SLC3A1: variants seen among roughly 807,000 people sequenced by gnomAD.
The protein encoded by SLC3A1 is amino acid transporter heavy chain SLC3A1.
In SLC3A1, 78 loss-of-function variants were observed where a neutral mutation model predicts 60.3. That is an observed-to-expected ratio of 1.29 (90% confidence interval 1.08 to 1.56). The LOEUF (loss-of-function observed/expected upper bound fraction) is 1.56, where lower values mean the gene tolerates loss of function less well. Among genes scored for constraint, SLC3A1 ranks in the 40% most tolerant of loss-of-function variants. The pLI, the probability that SLC3A1 is intolerant of heterozygous loss-of-function variation, is 0.00. For missense variants in SLC3A1, 1,172 were observed against 858.9 expected, an observed-to-expected ratio of 1.36 and a Z score of -4.56; for synonymous variants, 392 against 307.9, an observed-to-expected ratio of 1.27 and a Z score of -2.86.
chr2:44,301,066 G>A lies in SLC3A1; in HGVS notation c.1075G>A (p.Asp359Asn), dbSNP rs767848933. The A allele has an allele frequency of 4.3e-6, 7 of 1,614,064 alleles. No individual in the cohort carries two copies. The highest frequency in any genetic ancestry group is 1.1e-5 in the South Asian group (1 of 91,082). Reference protein sequence around the residue: ...DFTTTQVGMHDIVRSFRQTMD... With the variant: ...DFTTTQVGMHNIVRSFRQTMD... ...CACCACCACGCAGGTGGGAATGCACGACATTGTCCGCAGCTTCCGGCAGAC... is the reference window on the plus strand; with the variant it reads ...CACCACCACGCAGGTGGGAATGCACAACATTGTCCGCAGCTTCCGGCAGAC... The change falls in exon 6 of 10, where the codon GAC becomes AAC. Residue 359 changes from aspartate (D) to asparagine (N), a missense_variant. Asp to Asn is a conservative substitution (Grantham distance 23). Transcript: ENST00000260649.
intron 4 of SLC3A1, among the ~76,000 whole-genome samples, chr2:44,297,452 T>G (rs1478192104): frequency 6.6e-6 from 1 of 152,140 alleles, no homozygotes; most frequent in Non-Finnish European, 1.5e-5. Context: ...TCCCACCAGG[T>G]CATCTAGGTC....
chr2:44,282,157 C>A (rs1033191224), intron 3 of SLC3A1, among the ~76,000 whole-genome samples: 31 of 152,154 alleles, frequency 2.0e-4, no homozygotes, highest in African/African-American at 6.5e-4. Flanking sequence ...CAGGTGTAAG[C>A]CACCGCTCCT....
intron 7 of SLC3A1, among the ~76,000 whole-genome samples, chr2:44,307,738 G>A (rs1193351546): frequency 1.3e-5 from 2 of 152,076 alleles, no homozygotes; most frequent in Non-Finnish European, 2.9e-5. Context: ...GATATATACT[G>A]GATAGGTGAT....
intron 4 of SLC3A1, among the ~76,000 whole-genome samples, chr2:44,297,829 C>T (rs1260671950): frequency 6.6e-6 from 1 of 152,158 alleles, no homozygotes; most frequent in Admixed American, 6.5e-5. Flanking sequence ...AACTCCTGGG[C>T]TCAAGCGATC....
At chr2:44,283,967 G>A (rs529254461) in intron 3 of SLC3A1, among the ~76,000 whole-genome samples, 1 of 151,996 alleles carries the variant, frequency 6.6e-6, no homozygotes, top group Non-Finnish European at 1.5e-5. Flanking sequence ...ACAATCCATG[G>A]TTTACTTATC....
Position 44,304,124 on chromosome 2 carries a change from A to T in SLC3A1, c.1137-19A>T. 1.2e-6 allele frequency: 2 copies of T among 1,608,812 alleles called. No individual in the cohort carries two copies. The highest frequency in any genetic ancestry group is 1.7e-6 in the Non-Finnish European group (2 of 1,175,132). On this transcript the variant is annotated intron_variant, in intron 6 of 9. Coordinates refer to ENST00000260649, the MANE Select transcript of SLC3A1 (RefSeq NM_000341.4). Reference sequence around the variant, plus strand: ...TTCTGACAGGCCCCGATGACACTGAACCTTGTCAACTCTTATAGGTTCATG... The same window carrying T: ...TTCTGACAGGCCCCGATGACACTGATCCTTGTCAACTCTTATAGGTTCATG...
intron 7 of SLC3A1, among the ~76,000 whole-genome samples, chr2:44,311,579 GT>G (rs1672298827): frequency 6.6e-6 from 1 of 152,034 alleles, no homozygotes; most frequent in Admixed American, 6.6e-5. Context: ...AGGGTTTCTT[GT>G]CAGAAGATCT....
At chr2:44,279,788 C>T (rs982905572) in intron 1 of SLC3A1, among the ~76,000 whole-genome samples, 2 of 151,974 alleles carry the variant, frequency 1.3e-5, no homozygotes, top group Non-Finnish European at 2.9e-5. Context: ...GTCTCGAACA[C>T]CTGAGCCCAA....
intron 4 of SLC3A1, among the ~76,000 whole-genome samples, chr2:44,292,880 TTTTTTA>T (rs1210524820): frequency 6.6e-6 from 1 of 152,150 alleles, no homozygotes; most frequent in Non-Finnish European, 1.5e-5. Flanking sequence ...TAGGTATTTA[TTTTTTA>T]TTTTTATTTT....
chr2:44,298,199 TAA>T (rs1320780360), intron 4 of SLC3A1, among the ~76,000 whole-genome samples: 3 of 151,980 alleles, frequency 2.0e-5, no homozygotes, highest in African/African-American at 7.3e-5. Context: ...AAAAAAATGT[TAA>T]GTCAGCCCAC....
chr2:44,313,048 T>C (rs1383344474), intron 8 of SLC3A1, among the ~76,000 whole-genome samples: 1 of 152,174 alleles, frequency 6.6e-6, no homozygotes, highest in African/African-American at 2.4e-5. Flanking sequence ...CCAGGAATAC[T>C]GTGTTGAGAG....
At chr2:44,281,883 T>C (rs1226046976) in intron 3 of SLC3A1, among the ~76,000 whole-genome samples, 1 of 152,170 alleles carries the variant, frequency 6.6e-6, no homozygotes, top group Non-Finnish European at 1.5e-5. Flanking sequence ...CTTTGCATTT[T>C]TTTTTCTTGA....
downstream of SLC3A1, chr2:44,322,036 A>T (rs1673014370): frequency 1.2e-6 from 1 of 847,464 alleles, no homozygotes; most frequent in Admixed American, 3.0e-5. Flanking sequence ...AACCACCATC[A>T]TCAACAAAAA....
At chr2:44,299,030 CCTTT>C (rs1258854961) in intron 4 of SLC3A1, among the ~76,000 whole-genome samples, 115 of 110,392 alleles carry the variant, frequency 1.0e-3, no homozygotes, top group African/African-American at 4.0e-3. Flanking sequence ...AATGTAGATT[CCTTT>C]TTTTTTTTTT....
rs79308999 is a variant in SLC3A1, at chr2:44,307,363, T to C, written c.1332+3025T>C. ...CTCTGATATATATCCAGGAGTGGAA[T>C]TGCTCCACTGGGCATATGGTAAGTC... On this transcript the variant is annotated intron_variant, in intron 7 of 9. Coordinates refer to ENST00000260649, the MANE Select transcript of SLC3A1 (RefSeq NM_000341.4). 3.8e-3 allele frequency among the ~76,000 whole-genome samples: 585 copies of C among 152,314 alleles called. 8 individuals carry two copies. Among genetic ancestry groups the C allele is most frequent in the African/African-American group, 0.013 (547 of 41,578 alleles).
At chr2:44,310,304 A>G (rs1482354257) in intron 7 of SLC3A1, among the ~76,000 whole-genome samples, 1 of 152,178 alleles carries the variant, frequency 6.6e-6, no homozygotes, top group Non-Finnish European at 1.5e-5. Flanking sequence ...ATTTCTTTTC[A>G]TCCTCACCAA....
Position 44,320,298 on chromosome 2 carries a change from T to C in SLC3A1, c.1717T>C (p.Leu573=), listed in dbSNP as rs148703534. The change falls in exon 10 of 10, where the codon TTG becomes CTG. Residue 573 remains leucine (L), a synonymous_variant. Coordinates refer to ENST00000260649, the MANE Select transcript of SLC3A1 (RefSeq NM_000341.4). ...CCTCAACAGGGGCTGGTTTTGCCAT[T>C]TGAGGAATGACAGCCACTATGTTGT... ...LLLNRGWFCH[L]RNDSHYVVYT... is the part of the protein sequence containing the mutation. The C allele has an allele frequency of 1.8e-4, 296 of 1,613,976 alleles. 1 individual carries two copies. Among genetic ancestry groups the C allele is most frequent in the Non-Finnish European group, 2.4e-4 (284 of 1,179,972 alleles).
Position 44,288,611 on chromosome 2 carries a change from T to A in SLC3A1, c.891+2454T>A, listed in dbSNP as rs117300478. Among the ~76,000 whole-genome samples, 96 of 152,362 alleles carry A rather than the reference T, an allele frequency of 6.3e-4. No homozygotes were observed. The East Asian group carries it at 0.015, about 24-fold the overall frequency. On this transcript the variant is annotated intron_variant, in intron 4 of 9. Coordinates refer to ENST00000260649, the MANE Select transcript of SLC3A1 (RefSeq NM_000341.4). ...CAGCTGCATAATTTTACATTTCCAT[T>A]AACAATGGGTAAGCGTTCTAATTTC...
At chr2:44,316,012 A>G (rs1211543162) in intron 9 of SLC3A1, among the ~76,000 whole-genome samples, 1 of 152,234 alleles carries the variant, frequency 6.6e-6, no homozygotes, top group Non-Finnish European at 1.5e-5. Flanking sequence ...GTGGGAATCT[A>G]GAAAGCTTAT....
Sources: allele counts gnomAD v4.1 joint callset (sites outside exome capture counted in the v4.1 genomes callset), GRCh38; gene constraint gnomAD v4.1.1; transcripts MANE v1.5; gene names NCBI Gene and HGNC (gene_info 2026-07-23, HGNC 2026-07-21).